Variants in AGPS observed in about 807,000 individuals in gnomAD.
AGPS encodes alkyldihydroxyacetonephosphate synthase, peroxisomal.
A neutral mutation model predicts 90.7 loss-of-function variants in AGPS; 26 were observed. The ratio of observed to expected loss-of-function variants is 0.29; its 90% CI spans 0.21 to 0.40. The LOEUF (loss-of-function observed/expected upper bound fraction) is 0.40, where lower values mean the gene tolerates loss of function less well. Ranked by LOEUF, AGPS falls within the 10% of genes least tolerant of loss-of-function variation. AGPS has a pLI of 1.00. For missense variants in AGPS, 540 were observed against 816.1 expected, an observed-to-expected ratio of 0.66 and a Z score of 4.12; for synonymous variants, 294 against 285.3, an observed-to-expected ratio of 1.03 and a Z score of -0.31.
chr2:177,503,674 A>G (rs1270018229), intron 14 of AGPS, among the ~76,000 whole-genome samples: 1 of 152,160 alleles, frequency 6.6e-6, no homozygotes, highest in Non-Finnish European at 1.5e-5. Flanking sequence ...CTATTCTTTA[A>G]TATATTGTAT....
chr2:177,453,339 T>C lies in AGPS; in HGVS notation c.870+7713T>C, dbSNP rs1574379653. On this transcript the variant is annotated intron_variant, in intron 8 of 19. Coordinates refer to ENST00000264167, the MANE Select transcript of AGPS (RefSeq NM_003659.4). Reference sequence around the variant, plus strand: ...CAGGCTGGAGTGCAGTGGCCTGATATCGGCTCACCACAACCTCCGTCTCCC... The same window carrying C: ...CAGGCTGGAGTGCAGTGGCCTGATACCGGCTCACCACAACCTCCGTCTCCC... Among the ~76,000 whole-genome samples, 6 of 151,236 alleles carry C rather than the reference T, an allele frequency of 4.0e-5. No homozygotes were observed. In the Middle Eastern group the frequency reaches 0.01, roughly 261 times the overall value.
At chr2:177,435,954 T>C (rs78170358) in intron 3 of AGPS, among the ~76,000 whole-genome samples, 46 of 152,222 alleles carry the variant, frequency 3.0e-4, no homozygotes, top group African/African-American at 1.1e-3. Context: ...ACATGCCCAA[T>C]GTCTCATAGT....
intron 19 of AGPS, among the ~76,000 whole-genome samples, chr2:177,529,694 C>T (rs1430858129): frequency 6.6e-6 from 1 of 152,156 alleles, no homozygotes; most frequent in Non-Finnish European, 1.5e-5. Flanking sequence ...TACCACCAAC[C>T]ATTTAGTGTT....
At chr2:177,440,870 A>T in intron 5 of AGPS, 95 bp from the exon 6 acceptor site, 2 of 1,012,440 alleles carry the variant, frequency 2.0e-6, no homozygotes, top group Non-Finnish European at 3.1e-6. Flanking sequence ...ATGAAGGAAA[A>T]GTTTAGATAA....
intron 11 of AGPS, among the ~76,000 whole-genome samples, chr2:177,483,470 T>G (rs1355484086): frequency 6.6e-6 from 1 of 152,190 alleles, no homozygotes; most frequent in Non-Finnish European, 1.5e-5. Context: ...TCAGTTAGAT[T>G]GCTAGACTTA....
intron 19 of AGPS, among the ~76,000 whole-genome samples, chr2:177,525,087 T>C (rs1465950926): frequency 6.6e-6 from 1 of 152,174 alleles, no homozygotes; most frequent in East Asian, 1.9e-4. Flanking sequence ...ATGGTGGTTC[T>C]CATGAATGCT....
intron 11 of AGPS, among the ~76,000 whole-genome samples, chr2:177,482,861 T>A (rs113458294): frequency 0.025 from 3,836 of 152,278 alleles, 83 homozygotes; most frequent in African/African-American, 0.055. Flanking sequence ...TGGAAATTTC[T>A]ACGTCTCTCT....
At chr2:177,430,114 C>G (rs1430732381) in intron 2 of AGPS, among the ~76,000 whole-genome samples, 1 of 152,224 alleles carries the variant, frequency 6.6e-6, no homozygotes, top group African/African-American at 2.4e-5. Context: ...GGGATTCCTT[C>G]TCATTCAGAC....
At chr2:177,516,494 A>G (rs908767745) in intron 17 of AGPS, among the ~76,000 whole-genome samples, 2 of 152,150 alleles carry the variant, frequency 1.3e-5, no homozygotes, top group African/African-American at 2.4e-5. Flanking sequence ...GATAGAGTTG[A>G]TCTATTGTAA....
At chr2:177,409,110 A>G (rs1685547359) in intron 1 of AGPS, among the ~76,000 whole-genome samples, 1 of 152,136 alleles carries the variant, frequency 6.6e-6, no homozygotes. Context: ...GTTTGCCGGA[A>G]GCAAAGATAG....
intron 10 of AGPS, among the ~76,000 whole-genome samples, chr2:177,475,973 A>T (rs983246810): frequency 1.3e-5 from 2 of 152,004 alleles, no homozygotes; most frequent in Non-Finnish European, 2.9e-5. Context: ...AGTTGTTCAT[A>T]GTGTTCCTTT....
chr2:177,415,634 G>C (rs953317883), intron 1 of AGPS, among the ~76,000 whole-genome samples: 1 of 152,184 alleles, frequency 6.6e-6, no homozygotes, highest in Non-Finnish European at 1.5e-5. Context: ...GTTCAAGAAG[G>C]CTCACTGTCT....
intron 1 of AGPS, among the ~76,000 whole-genome samples, chr2:177,414,897 C>CGTGTGTGT (rs397986794): frequency 0.045 from 6,582 of 146,270 alleles, 460 homozygotes; most frequent in African/African-American, 0.14. Flanking sequence ...TATGAAGGTT[C>CGTGTGTGT]GTGTGTGTGT....
rs372130145 is a variant in AGPS at position 177,476,827 on chromosome 2, T to A, written c.1106-5232T>A. ...TTTCTGTCAGTTTTTGCTTCATATA[T>A]TTTTGTGCCTTGTTATTAGGTGCAT... On this transcript the variant is annotated intron_variant, in intron 10 of 19. Transcript: ENST00000264167. Among the ~76,000 whole-genome samples, 6 of 152,292 alleles carry A rather than the reference T, an allele frequency of 3.9e-5. No homozygotes were observed. In the East Asian group the frequency reaches 9.6e-4, roughly 24 times the overall value.
rs1295945343 is a variant in AGPS, at chr2:177,540,112, AT to A, written c.*1922del. 5 of 147,082 alleles carry A rather than the reference AT, an allele frequency of 3.4e-5. No homozygotes were observed. The allele number at this position is 147,082 out of a possible 1,614,324, so 9.1% of individuals were successfully genotyped here. A position where few individuals can be genotyped will look rare whatever the true frequency, so the allele number is the denominator to read the frequency against. On this transcript the variant is annotated 3_prime_UTR_variant, in exon 20 of 20. Transcript: ENST00000264167. ...ATATATATGTATATGTTTCTGAGTA[AT>A]TTTTAAAAAATAAAACAGGTTAATA...
chr2:177,396,638 T>TAA (rs1685183828), intron 1 of AGPS, among the ~76,000 whole-genome samples: 1 of 152,146 alleles, frequency 6.6e-6, no homozygotes, highest in African/African-American at 2.4e-5. Flanking sequence ...GAGGAGGCTG[T>TAA]TGTAACACAA....
In AGPS at chr2:177,392,944, C is replaced by T. The variant is rs1352247686; in HGVS notation, c.155C>T (p.Ala52Val). Residue 52 changes from alanine to valine, a missense_variant, in exon 1 of 20, where the codon GCT becomes GTT. Ala to Val is a moderately conservative substitution (Grantham distance 64). This residue lies in a region of AGPS where 135 missense variants were observed against 124.0 expected (regional missense o/e 1.09). Coordinates refer to ENST00000264167, the MANE Select transcript of AGPS (RefSeq NM_003659.4). ...CATCTGCTGGGCCGGCCCCGGGAGGCTCTGAGTACCAATGAGTGCAAAGCG... is the reference window on the plus strand; with the variant it reads ...CATCTGCTGGGCCGGCCCCGGGAGGTTCTGAGTACCAATGAGTGCAAAGCG... ...SGHLLGRPRE[A>V]LSTNECKARR... 6.5e-7 allele frequency: 1 copy of T among 1,550,104 alleles called. No homozygotes were observed. Among genetic ancestry groups the T allele is most frequent in the South Asian group, 1.2e-5 (1 of 84,058 alleles).
intron 10 of AGPS, among the ~76,000 whole-genome samples, chr2:177,477,179 T>C (rs1470021932): frequency 3.9e-5 from 6 of 152,146 alleles, no homozygotes; most frequent in Non-Finnish European, 4.4e-5. Flanking sequence ...CTGCCTTATT[T>C]TCCCCCCCTC....
At chr2:177,446,908 T>TA (rs1379063072) in intron 8 of AGPS, among the ~76,000 whole-genome samples, 2 of 152,234 alleles carry the variant, frequency 1.3e-5, no homozygotes, top group Non-Finnish European at 2.9e-5. Flanking sequence ...TTGGAGTTCT[T>TA]ATAGTACCTT....
Sources: gnomAD v4.1 joint callset for allele counts (sites outside exome capture counted in the v4.1 genomes callset) on GRCh38, gnomAD v4.1.1 for gene constraint, gnomAD v4.1.1 regional missense constraint, MANE v1.5 for transcripts, NCBI Gene and HGNC (gene_info 2026-07-23, HGNC 2026-07-21) for gene names.